Variants in UQCC1 observed in about 807,000 individuals in gnomAD.
UQCC1 encodes the protein bFGF-repressed Zic-binding protein.
A neutral mutation model predicts 48.0 loss-of-function variants in UQCC1; 38 were observed. The ratio of observed to expected loss-of-function variants is 0.79; its 90% CI spans 0.61 to 1.04. The LOEUF is 1.04. UQCC1 is among the 50% of genes least tolerant of loss of function. The pLI is 0.00. For synonymous variants in UQCC1, 111 were observed against 129.2 expected (o/e 0.86, Z 0.95); for missense variants, 368 against 381.8 (o/e 0.96, Z 0.30).
chr20:35,404,495 G>A (rs2062219921), intron 1 of UQCC1, among the ~76,000 whole-genome samples: 2 of 152,100 alleles, frequency 1.3e-5, no homozygotes, highest in South Asian at 4.2e-4. Context: ...AGCTGAGATT[G>A]CGCCAGTGCA....
chr20:35,363,577 C>T (rs1372336739), intron 6 of UQCC1, among the ~76,000 whole-genome samples: 1 of 152,180 alleles, frequency 6.6e-6, no homozygotes, highest in Non-Finnish European at 1.5e-5. Flanking sequence ...AGGGAACTAA[C>T]AGGGTGTGAG....
chr20:35,347,905 T>C (rs1366784564), intron 6 of UQCC1, among the ~76,000 whole-genome samples: 3 of 152,232 alleles, frequency 2.0e-5, no homozygotes, highest in African/African-American at 7.2e-5. Context: ...ATTTGTTTCT[T>C]TTTACTTTTT....
chr20:35,307,005 A>C (rs531157276), intron 8 of UQCC1: 241 of 558,152 alleles, frequency 4.3e-4, no homozygotes, highest in Non-Finnish European at 7.4e-4. Context: ...CAGGGGGTCC[A>C]GAGGGGCCAA....
At chr20:35,379,938 G>A (rs1033668601) in intron 4 of UQCC1, among the ~76,000 whole-genome samples, 1 of 152,060 alleles carries the variant, frequency 6.6e-6, no homozygotes, top group Non-Finnish European at 1.5e-5. Context: ...AAAAATCAGA[G>A]GCTAACTTAG....
intron 7 of UQCC1, among the ~76,000 whole-genome samples, chr20:35,334,978 C>T (rs1018010417): frequency 1.3e-5 from 2 of 152,188 alleles, no homozygotes; most frequent in Non-Finnish European, 2.9e-5. Context: ...AGGCAGAACT[C>T]GTTCCATTAT....
chr20:35,380,102 T>C (rs563120516), intron 4 of UQCC1, among the ~76,000 whole-genome samples: 4 of 152,184 alleles, frequency 2.6e-5, no homozygotes, highest in African/African-American at 9.6e-5. Flanking sequence ...ACTGTAAATG[T>C]TTCTTTTCTT....
chr20:35,339,524 C>A (rs1286791387), intron 7 of UQCC1, among the ~76,000 whole-genome samples: 2 of 152,184 alleles, frequency 1.3e-5, no homozygotes, highest in South Asian at 2.1e-4. Flanking sequence ...ACACTTACGG[C>A]ACCAGTGAAA....
At chr20:35,307,054 T>C (rs1191987399) in intron 8 of UQCC1, 2 of 480,448 alleles carry the variant, frequency 4.2e-6, no homozygotes, top group East Asian at 4.0e-5. Flanking sequence ...ACTCAGGCAG[T>C]ACTCCGTACT....
intron 8 of UQCC1, among the ~76,000 whole-genome samples, chr20:35,307,975 A>G (rs1289414464): frequency 1.3e-5 from 2 of 152,190 alleles, no homozygotes; most frequent in African/African-American, 4.8e-5. Flanking sequence ...AAACAAGCCT[A>G]ATAATACCTA....
intron 6 of UQCC1, among the ~76,000 whole-genome samples, chr20:35,364,210 C>T (rs150433243): frequency 9.8e-4 from 149 of 152,304 alleles, no homozygotes; most frequent in African/African-American, 3.4e-3. Context: ...AGTCACTCTT[C>T]GTGGTGCATC....
rs564139118 is a variant in UQCC1, at chr20:35,381,570, G to C, written c.333+348C>G. 5.9e-5 allele frequency among the ~76,000 whole-genome samples: 9 copies of C among 152,326 alleles called. 1 individual carries two copies. The South Asian group carries it at 1.9e-3, about 32-fold the overall frequency. The stretch of plus-strand genomic sequence containing the variant: ...GTTATCAGAATAATGTATGGACCTT[G>C]AGAGCTTACTTGGGAGGTTCTGGCA... On this transcript the variant is annotated intron_variant, in intron 4 of 9. Coordinates refer to ENST00000374385, the MANE Select transcript of UQCC1 (RefSeq NM_018244.5).
intron 6 of UQCC1, among the ~76,000 whole-genome samples, chr20:35,348,709 A>G (rs1174630883): frequency 6.6e-6 from 1 of 152,212 alleles, no homozygotes; most frequent in Non-Finnish European, 1.5e-5. Context: ...GCCGGAATGC[A>G]GTGGCACAAA....
chr20:35,334,477 G>A (rs1318485913), intron 7 of UQCC1, among the ~76,000 whole-genome samples: 2 of 152,058 alleles, frequency 1.3e-5, no homozygotes, highest in African/African-American at 2.4e-5. Context: ...CCTCTGCCTG[G>A]CATTCTCTTC....
At chr20:35,374,125 A>G in intron 5 of UQCC1, 59 bp downstream of exon 5, 1 of 1,395,174 alleles carries the variant, frequency 7.2e-7, no homozygotes, top group Non-Finnish European at 1.0e-6. Context: ...TTAAAACACA[A>G]CCATAAAAAT....
intron 1 of UQCC1, among the ~76,000 whole-genome samples, chr20:35,409,829 A>T (rs1256754420): frequency 6.6e-6 from 1 of 151,652 alleles, no homozygotes; most frequent in East Asian, 1.9e-4. Context: ...TTTTTCAGAC[A>T]GAGTTTCACT....
chr20:35,303,707 G>T lies in UQCC1; in HGVS notation c.*228C>A. 1.7e-6 allele frequency: 1 copy of T among 583,338 alleles called. No individual in the cohort carries two copies. The highest frequency in any genetic ancestry group is 3.0e-6 in the Non-Finnish European group (1 of 332,572). The allele number at this position is 583,338 out of a possible 1,614,324, so 36.1% of individuals were successfully genotyped here. The stretch of plus-strand genomic sequence containing the variant: ...GACTCTCACTCGGGGCTTCCCCTAA[G>T]GGAGAGGACACCCCGGGAGAGCTAG... On this transcript the variant is annotated 3_prime_UTR_variant, in exon 10 of 10. Transcript: ENST00000374385.
intron 1 of UQCC1, among the ~76,000 whole-genome samples, chr20:35,395,072 T>C (rs2062057961): frequency 1.3e-5 from 2 of 151,876 alleles, no homozygotes; most frequent in Non-Finnish European, 2.9e-5. Flanking sequence ...GCTCTCCGGG[T>C]GTGCCACCCT....
chr20:35,392,354 T>G, intron 2 of UQCC1: 1 of 1,174,736 alleles, frequency 8.5e-7, no homozygotes, highest in Non-Finnish European at 1.1e-6. Flanking sequence ...TGACTAAAAT[T>G]ACATCTGGTC....
intron 4 of UQCC1, among the ~76,000 whole-genome samples, chr20:35,380,842 G>A (rs2061857499): frequency 1.3e-5 from 2 of 152,180 alleles, no homozygotes; most frequent in South Asian, 2.1e-4. Context: ...TGGATTTGGG[G>A]GGATTTTGGA....
Sources: allele counts gnomAD v4.1 joint callset (sites outside exome capture counted in the v4.1 genomes callset), GRCh38; gene constraint gnomAD v4.1.1; transcripts MANE v1.5; gene names NCBI Gene and HGNC (gene_info 2026-07-23, HGNC 2026-07-21).